EML1: variants seen among roughly 807,000 people sequenced by gnomAD.
EML1 encodes the protein echinoderm microtubule-associated protein-like 1.
In EML1, 27 loss-of-function variants were observed where a neutral mutation model predicts 110.4. The ratio of observed to expected loss-of-function variants is 0.24; its 90% confidence interval spans 0.18 to 0.34. The LOEUF (loss-of-function observed/expected upper bound fraction) is 0.34. EML1 is among the 10% of genes least tolerant of loss of function. The pLI, the probability that EML1 is intolerant of heterozygous loss-of-function variation, is 1.00. For missense variants in EML1, 741 were observed against 1,030.9 expected, an observed-to-expected ratio of 0.72 and a Z score of 3.85; for synonymous variants, 344 against 385.8, an observed-to-expected ratio of 0.89 and a Z score of 1.27.
At chr14:99,914,545 G>A in intron 14 of EML1, 21 bp from the exon 15 acceptor site, 2 of 1,579,550 alleles carry the variant, frequency 1.3e-6, no homozygotes, top group Non-Finnish European at 1.7e-6. Context: ...GAGCGCTTCT[G>A]TTTGTCTTGG....
chr14:99,924,898 A>G (rs796378426), intron 17 of EML1, among the ~76,000 whole-genome samples: 64 of 152,314 alleles, frequency 4.2e-4, no homozygotes, highest in African/African-American at 1.5e-3. Flanking sequence ...ATTAATTTTC[A>G]GATGTTGAAC....
chr14:99,780,334 T>G, intron 1 of EML1, among the ~76,000 whole-genome samples: 1 of 152,088 alleles, frequency 6.6e-6, no homozygotes, highest in East Asian at 1.9e-4. Flanking sequence ...AGGTACCTGG[T>G]CCTGCCCATT....
chr14:99,856,748 A>G (rs1476880774), intron 2 of EML1, among the ~76,000 whole-genome samples: 2 of 152,238 alleles, frequency 1.3e-5, no homozygotes, highest in African/African-American at 4.8e-5. Flanking sequence ...AGATTAAAAA[A>G]GACGTTTCAA....
At chr14:99,810,629 T>A (rs1373499554) in intron 1 of EML1, among the ~76,000 whole-genome samples, 3 of 152,226 alleles carry the variant, frequency 2.0e-5, no homozygotes, top group Non-Finnish European at 4.4e-5. Context: ...GCAGTGGCTT[T>A]TTCAGATACC....
chr14:99,877,125 G>T (rs1327918276), intron 3 of EML1, among the ~76,000 whole-genome samples: 1 of 152,066 alleles, frequency 6.6e-6, no homozygotes, highest in Admixed American at 6.6e-5. Flanking sequence ...GAGACCAGGG[G>T]GGCCAGCATG....
chr14:99,935,764 A>G (rs1207898607), intron 17 of EML1, among the ~76,000 whole-genome samples: 4 of 139,944 alleles, frequency 2.9e-5, no homozygotes, highest in African/African-American at 1.1e-4. Context: ...GCCTGGCGAC[A>G]GAGCGAGACT....
intron 4 of EML1, among the ~76,000 whole-genome samples, chr14:99,879,558 G>C (rs1035106352): frequency 1.3e-5 from 2 of 152,146 alleles, no homozygotes; most frequent in African/African-American, 4.8e-5. Flanking sequence ...TATAAAGGAA[G>C]CTTAAACTCT....
intron 14 of EML1, 42 bp downstream of exon 14, chr14:99,914,346 G>T: frequency 6.3e-7 from 1 of 1,593,104 alleles, no homozygotes. Flanking sequence ...CTCTCATTTT[G>T]CATTATATCA....
chr14:99,760,457 T>A (rs1343097759), intron 1 of EML1, among the ~76,000 whole-genome samples: 1 of 152,200 alleles, frequency 6.6e-6, no homozygotes, highest in Admixed American at 6.5e-5. Flanking sequence ...ATGTACTGGC[T>A]TTCGGCATGG....
intron 1 of EML1, chr14:99,809,501 C>T (rs899648903): frequency 2.6e-6 from 1 of 380,824 alleles, no homozygotes; most frequent in Non-Finnish European, 5.2e-6. Flanking sequence ...CTGTGTCCAG[C>T]ACTTGGACAG....
At chr14:99,803,362 A>G (rs1175548762) in intron 1 of EML1, among the ~76,000 whole-genome samples, 1 of 152,224 alleles carries the variant, frequency 6.6e-6, no homozygotes, top group Non-Finnish European at 1.5e-5. Flanking sequence ...TGTGCATATA[A>G]CTGTATGTAT....
chr14:99,778,915 A>G (rs116619207), intron 1 of EML1, among the ~76,000 whole-genome samples: 2 of 152,120 alleles, frequency 1.3e-5, no homozygotes, highest in Non-Finnish European at 2.9e-5. Flanking sequence ...ATGTTTTCCT[A>G]TCCCCAGTGT....
At position 99,850,236 on chromosome 14, in the gene EML1, G is replaced by T. The variant is rs749628918; in HGVS notation, c.68-617G>T. The T allele has an allele frequency of 2.4e-6, 3 of 1,248,842 alleles. No individual in the cohort carries two copies. The South Asian group carries it at 3.7e-5, about 16-fold the overall frequency. 77.4% of individuals were successfully genotyped at this position (1,248,842 alleles called of 1,614,324 possible). ...GTGTTCTCTGGTTGGAGCACAGTAA[G>T]TGAAGGGAAGAATGATGTACAATGA... On this transcript the variant is annotated intron_variant, in intron 1 of 21. Coordinates refer to ENST00000262233, the MANE Select transcript of EML1 (RefSeq NM_004434.3).
intron 1 of EML1, among the ~76,000 whole-genome samples, chr14:99,776,004 T>C (rs767730012): frequency 1.6e-4 from 24 of 152,232 alleles, no homozygotes; most frequent in Non-Finnish European, 3.4e-4. Context: ...AACATGATTT[T>C]TCAAAACTAT....
At chr14:99,757,079 C>T (rs560141782) in intron 1 of EML1, among the ~76,000 whole-genome samples, 2 of 152,236 alleles carry the variant, frequency 1.3e-5, no homozygotes, top group African/African-American at 2.4e-5. Context: ...GCGGCTCACG[C>T]CTGTCATCCA....
At chr14:99,738,175 G>C (rs1446034726) in intron 1 of EML1, among the ~76,000 whole-genome samples, 1 of 152,230 alleles carries the variant, frequency 6.6e-6, no homozygotes, top group East Asian at 1.9e-4. Context: ...GGGACCCATG[G>C]GTGGGCTCAG....
chr14:99,778,739 G>A (rs895898630), intron 1 of EML1, among the ~76,000 whole-genome samples: 4 of 152,134 alleles, frequency 2.6e-5, no homozygotes, highest in African/African-American at 9.7e-5. Flanking sequence ...TTGATGGTGT[G>A]TCTGGGTCTT....
chr14:99,872,045 T>A (rs140982645), intron 3 of EML1, among the ~76,000 whole-genome samples: 5 of 152,260 alleles, frequency 3.3e-5, no homozygotes, highest in Non-Finnish European at 5.9e-5. Flanking sequence ...AAATCATCCT[T>A]CTTTTATGCC....
chr14:99,939,064 T>A lies in EML1; in HGVS notation c.2192-133T>A. On this transcript the variant is annotated intron_variant, in intron 20 of 21. Coordinates refer to ENST00000262233, the MANE Select transcript of EML1 (RefSeq NM_004434.3). This position sits in a 1 kb window ranked among gnomAD's most constrained non-coding sequence, Gnocchi z 4.2. ...AGGCCAGGAACTGAGGCTATTGTGC[T>A]TTTTTGACCCTTGTTTCTAAAGCTG... The A allele has an allele frequency of 7.1e-7, 1 of 1,412,742 alleles. No individual in the cohort carries two copies. Among genetic ancestry groups the A allele is most frequent in the Non-Finnish European group, 9.5e-7 (1 of 1,048,860 alleles). The allele number at this position is 1,412,742 out of a possible 1,614,324, so 87.5% of individuals were successfully genotyped here. A position where few individuals can be genotyped will look rare whatever the true frequency, so the allele number is the denominator to read the frequency against.
Sources: gnomAD v4.1 joint callset for allele counts (sites outside exome capture counted in the v4.1 genomes callset) on GRCh38, gnomAD v4.1.1 for gene constraint, Gnocchi (gnomAD v3.1) non-coding constraint, MANE v1.5 for transcripts, NCBI Gene and HGNC (gene_info 2026-07-23, HGNC 2026-07-21) for gene names.